The following EPHA2 variants were observed in gnomAD, a reference collection of about 807,000 sequenced individuals.
The protein encoded by EPHA2 is ephrin type-A receptor 2.
EPHA2 carries 54 observed loss-of-function variants against 104.9 expected under a neutral mutation model. The ratio of observed to expected loss-of-function variants is 0.51; its 90% CI spans 0.41 to 0.65. The LOEUF (loss-of-function observed/expected upper bound fraction) is 0.65, where lower values mean the gene tolerates loss of function less well. EPHA2 is among the 30% of genes least tolerant of loss of function. The pLI, the probability that EPHA2 is intolerant of heterozygous loss-of-function variation, is 0.00. For synonymous variants in EPHA2, 560 were observed against 559.1 expected (o/e 1.00, Z -0.02); for missense variants, 1,117 against 1,369.5 (o/e 0.82, Z 2.91).
Position 16,135,073 on chromosome 1 carries a change from C to G in EPHA2, c.1545G>C (p.Gln515His). ...ATTCGTGCACCTTGCTGCCGGCCCC[C>G]TGGCCCTCCTGCGTCAGTGCCTGCA... The part of the protein sequence containing the change: ...VQVQALTQEG[Q>H]GAGSKVHEFQ... Residue 515 changes from glutamine (Q) to histidine (H), a missense_variant, in exon 7 of 17, where the codon CAG (glutamine) becomes CAC (histidine). Physicochemically the swap from Gln to His is conservative, Grantham distance 24. Transcript: ENST00000358432. The surrounding 1 kb of genome is among the most constrained non-coding windows in gnomAD (Gnocchi z 4.3). 1 of 1,613,700 alleles carries G rather than the reference C, an allele frequency of 6.2e-7. No individual in the cohort carries two copies. Among genetic ancestry groups the G allele is most frequent in the Non-Finnish European group, 8.5e-7 (1 of 1,180,032 alleles).
intron 5 of EPHA2, 133 bp downstream of exon 5, chr1:16,137,720 G>A: frequency 9.2e-7 from 1 of 1,086,734 alleles, no homozygotes; most frequent in Non-Finnish European, 1.3e-6. Flanking sequence ...GGACAAGCTT[G>A]CTCTAGACAC....
rs556856478 is a variant in EPHA2 at position 16,148,314 on chromosome 1, A to G, written c.823+64T>C. ...AGCTTACCAAGATTCCATGATTCCA[A>G]AGCTAAAGACCAGAACCTGGGAATG... On this transcript the variant is annotated intron_variant, in intron 3 of 16. Coordinates refer to ENST00000358432, the MANE Select transcript of EPHA2 (RefSeq NM_004431.5). This position sits in a 1 kb window ranked among gnomAD's most constrained non-coding sequence, Gnocchi z 4.9. 2.3e-5 allele frequency: 36 copies of G among 1,599,310 alleles called. No individual in the cohort carries two copies. In the African/African-American group the frequency reaches 4.4e-4, roughly 20 times the overall value.
chr1:16,124,460 T>C lies in EPHA2; in HGVS notation c.*755A>G, dbSNP rs918296109. The C allele has an allele frequency of 6.6e-6, 1 of 152,488 alleles. No individual in the cohort carries two copies. The highest frequency in any genetic ancestry group is 2.4e-5 in the African/African-American group (1 of 41,438). The allele number at this position is 152,488 out of a possible 1,614,324, so 9.4% of individuals were successfully genotyped here. ...TCCAACAAAACAAAATCTTTAACAC[T>C]GACAGAATAGAAACTTATCCAAAAG... On this transcript the variant is annotated 3_prime_UTR_variant, in exon 17 of 17. Coordinates refer to ENST00000358432, the MANE Select transcript of EPHA2 (RefSeq NM_004431.5).
chr1:16,144,754 G>A (rs2024894846), intron 3 of EPHA2, among the ~76,000 whole-genome samples: 1 of 152,204 alleles, frequency 6.6e-6, no homozygotes, highest in South Asian at 2.1e-4. Context: ...ACAGCCTGTG[G>A]GTGGAAGGAC....
rs1426880871 is a variant in EPHA2 at position 16,136,655 on chromosome 1, G to GAAGAAGAA, written c.1313-893_1313-886dup. Among the ~76,000 whole-genome samples, 13 of 126,058 alleles carry GAAGAAGAA rather than the reference G, an allele frequency of 1.0e-4. No individual in the cohort carries two copies. In the Admixed American group the frequency reaches 1.1e-3, roughly 10 times the overall value. The allele number at this position is 126,058 out of a possible 152,430, so 82.7% of individuals were successfully genotyped here. A position where few individuals can be genotyped will look rare whatever the true frequency, so the allele number is the denominator to read the frequency against. ...AAGAAGAAGAAGACAGAAGAAGAAA[G>GAAGAAGAA]AAGAAGAAAAGAAGAAAAGAAGAAG... On this transcript the variant is annotated intron_variant, in intron 5 of 16. Transcript: ENST00000358432.
chr1:16,137,878 A>C lies in EPHA2; in HGVS notation c.1287T>G (p.Thr429=). ...CTGTCTGGTTGATGCTGACACTGGC[A>C]GTACGGAAGCTGCGGCTGGTTACCA... ...SGLVTSRSFR[T]ASVSINQTEP... is the part of the protein sequence containing the mutation. Residue 429 remains threonine (T), a synonymous_variant, in exon 5 of 17, where the codon ACT becomes ACG. Coordinates refer to ENST00000358432, the MANE Select transcript of EPHA2 (RefSeq NM_004431.5). The C allele has an allele frequency of 6.2e-7, 1 of 1,613,886 alleles. No homozygotes were observed. The highest frequency in any genetic ancestry group is 8.5e-7 in the Non-Finnish European group (1 of 1,179,930).
rs2024848947 is a variant in EPHA2 at position 16,142,788 on chromosome 1, C to T, written c.824-4358G>A. ...GTGGATGGGTGGGTTGGTGGGTGGA[C>T]AGGTGGATGAGTGGATGGATGGATG... On this transcript the variant is annotated intron_variant, in intron 3 of 16. Coordinates refer to ENST00000358432, the MANE Select transcript of EPHA2 (RefSeq NM_004431.5). Among the ~76,000 whole-genome samples the T allele has an allele frequency of 3.1e-5, 4 of 129,984 alleles. 1 individual carries two copies. Among genetic ancestry groups the T allele is most frequent in the Admixed American group, 7.9e-5 (1 of 12,630 alleles). The allele number at this position is 129,984 out of a possible 152,430, so 85.3% of individuals were successfully genotyped here.
At chr1:16,142,551 A>ATGGG in intron 3 of EPHA2, among the ~76,000 whole-genome samples, 1 of 151,004 alleles carries the variant, frequency 6.6e-6, no homozygotes, top group Non-Finnish European at 1.5e-5. Flanking sequence ...GTGTGGATGG[A>ATGGG]TGGGTGGGTG....
At chr1:16,129,039 C>G (rs192138030) in intron 16 of EPHA2, among the ~76,000 whole-genome samples, 1 of 151,814 alleles carries the variant, frequency 6.6e-6, no homozygotes, top group East Asian at 2.0e-4. Context: ...GCTGTGGGAC[C>G]CTGGGCAGGT....
rs2124197604 is a variant in EPHA2 at position 16,131,222 on chromosome 1, T to C, written c.2475+499A>G. ...CGTACACCCCACTCCTTTTTTCATC[T>C]CTGCACTCTCTGAATCAGCTCCTGG... On this transcript the variant is annotated intron_variant, in intron 14 of 16. Coordinates refer to ENST00000358432, the MANE Select transcript of EPHA2 (RefSeq NM_004431.5). The surrounding 1 kb of genome is among the most constrained non-coding windows in gnomAD (Gnocchi z 5.2). Among the ~76,000 whole-genome samples the C allele has an allele frequency of 6.6e-6, 1 of 152,112 alleles. No individual in the cohort carries two copies. Among genetic ancestry groups the C allele is most frequent in the East Asian group, 1.9e-4 (1 of 5,132 alleles).
intron 1 of EPHA2, among the ~76,000 whole-genome samples, chr1:16,152,396 C>T (rs1557517644): frequency 1.3e-5 from 2 of 151,680 alleles, no homozygotes; most frequent in South Asian, 4.2e-4. Context: ...CACTACTGAC[C>T]GGGGCCAAAC....
Position 16,155,952 on chromosome 1 carries a change from G to C in EPHA2, c.-20C>G, listed in dbSNP as rs1569629951. 8.8e-6 allele frequency: 13 copies of C among 1,484,728 alleles called. 1 individual carries two copies. In the East Asian group the frequency reaches 3.5e-4, roughly 40 times the overall value. The allele number at this position is 1,484,728 out of a possible 1,614,324, so 92.0% of individuals were successfully genotyped here. A position where few individuals can be genotyped will look rare whatever the true frequency, so the allele number is the denominator to read the frequency against. ...CTCCATGCCGCGCTTCTCGCTCTCG[G>C]TCCGATCCCCCCGAGCCCGGCTCCC... On this transcript the variant is annotated 5_prime_UTR_variant, in exon 1 of 17. Transcript: ENST00000358432.
chr1:16,126,221 C>G (rs1570391621), intron 16 of EPHA2, among the ~76,000 whole-genome samples: 2 of 152,308 alleles, frequency 1.3e-5, no homozygotes, highest in South Asian at 2.1e-4. Flanking sequence ...GCCCCTCCGT[C>G]CCCTCATGAA....
chr1:16,149,173 T>A lies in EPHA2; in HGVS notation c.154-126A>T, dbSNP rs577073906. 15 of 1,012,154 alleles carry A rather than the reference T, an allele frequency of 1.5e-5. No individual in the cohort carries two copies. In the East Asian group the frequency reaches 3.9e-4, roughly 26 times the overall value. The allele number at this position is 1,012,154 out of a possible 1,614,324, so 62.7% of individuals were successfully genotyped here. A position where few individuals can be genotyped will look rare whatever the true frequency, so the allele number is the denominator to read the frequency against. Reference sequence around the variant, plus strand: ...CTCCGGGTTCTACGGTGAAGGAAACTGAGGCCTGAGGCGGGTGGGGGCTGC... The same window carrying A: ...CTCCGGGTTCTACGGTGAAGGAAACAGAGGCCTGAGGCGGGTGGGGGCTGC... On this transcript the variant is annotated intron_variant, in intron 2 of 16. Coordinates refer to ENST00000358432, the MANE Select transcript of EPHA2 (RefSeq NM_004431.5).
intron 1 of EPHA2, chr1:16,153,296 C>G (rs941870689): frequency 5.3e-5 from 52 of 985,330 alleles, no homozygotes; most frequent in Non-Finnish European, 6.1e-5. Context: ...GTTCCCTCCC[C>G]GCTTCCCCCA....
Position 16,133,874 on chromosome 1 carries a change from T to A in EPHA2, c.1724A>T (p.Tyr575Phe). The A allele has an allele frequency of 6.5e-7, 1 of 1,549,984 alleles. No homozygotes were observed. The highest frequency in any genetic ancestry group is 8.7e-7 in the Non-Finnish European group (1 of 1,146,052). Residue 575 changes from tyrosine (Y) to phenylalanine (F), a missense_variant, in exon 9 of 17, where the codon TAC becomes TTC. Coordinates refer to ENST00000358432, the MANE Select transcript of EPHA2 (RefSeq NM_004431.5). ...QRARQSPEDV[Y>F]FSKSEQLKPL... is the part of the protein sequence containing the mutation. ...CTGCGTCTCACCTGACTTGGAGAAG[T>A]AAACGTCCTCCGGGGACTGGCGGGC...
chr1:16,144,938 G>T (rs186832625), intron 3 of EPHA2, among the ~76,000 whole-genome samples: 1 of 152,226 alleles, frequency 6.6e-6, no homozygotes. Context: ...GTCCAGCATG[G>T]TGCCTGGAAT....
In EPHA2 at chr1:16,133,723, C is replaced by T. The variant is rs141919044; in HGVS notation, c.1739-117G>A. On this transcript the variant is annotated intron_variant, in intron 9 of 16. Transcript: ENST00000358432. ...GAGACTTGGACCAGGCTGTGGGGGA[C>T]GGACCCCTCAGAGCTGCCCACGGAA... is the stretch of plus-strand genomic sequence containing the variant. The T allele has an allele frequency of 5.0e-4, 766 of 1,525,242 alleles. 6 individuals carry two copies. The African/African-American group carries it at 9.0e-3, about 18-fold the overall frequency. The allele number at this position is 1,525,242 out of a possible 1,614,324, so 94.5% of individuals were successfully genotyped here. A position where few individuals can be genotyped will look rare whatever the true frequency, so the allele number is the denominator to read the frequency against.
chr1:16,132,927 G>A, intron 11 of EPHA2: 1 of 548,964 alleles, frequency 1.8e-6, no homozygotes, highest in Non-Finnish European at 3.2e-6. Flanking sequence ...CACAGGTGTA[G>A]AGGAGGTGGG....
Sources: gnomAD v4.1 joint callset for allele counts (sites outside exome capture counted in the v4.1 genomes callset) on GRCh38, gnomAD v4.1.1 for gene constraint, Gnocchi (gnomAD v3.1) non-coding constraint, MANE v1.5 for transcripts, NCBI Gene and HGNC (gene_info 2026-07-23, HGNC 2026-07-21) for gene names.